Variants in NPIPB13 observed in about 807,000 individuals in gnomAD.
NPIPB13 encodes the protein nuclear pore complex interacting protein family, member B13.
upstream of NPIPB13, among the ~76,000 whole-genome samples, chr16:30,246,518 CG>C (rs2073614223): frequency 1.0e-5 from 1 of 95,806 alleles, no homozygotes; most frequent in African/African-American, 3.8e-5. Flanking sequence ...TTCAGGCTGC[CG>C]GACACAGCTG....
At chr16:30,246,270 C>CT (rs1174624918), upstream of NPIPB13, among the ~76,000 whole-genome samples, 1 of 139,424 alleles carries the variant, frequency 7.2e-6, no homozygotes, top group Admixed American at 7.2e-5. Context: ...ACAGGAGGGG[C>CT]TTGTTAACAT....
At chr16:30,232,465 CAAAAAAA>C (rs141086998) in intron 3 of NPIPB13, among the ~76,000 whole-genome samples, 3 of 115,332 alleles carry the variant, frequency 2.6e-5, no homozygotes, top group African/African-American at 9.0e-5. Flanking sequence ...ACTCTTGTCT[CAAAAAAA>C]AAAAAAAAAA....
intron 3 of NPIPB13, among the ~76,000 whole-genome samples, chr16:30,232,479 A>T (rs75791318): frequency 0.07 from 9,620 of 137,822 alleles, 6 homozygotes; most frequent in African/African-American, 0.18. Context: ...AAAAAAAAAA[A>T]AAAATAGGCC....
intron 2 of NPIPB13, among the ~76,000 whole-genome samples, chr16:30,240,970 GAT>G (rs1456273329): frequency 1.2e-5 from 1 of 83,918 alleles, no homozygotes; most frequent in African/African-American, 4.9e-5. Context: ...CCTTCTGCCC[GAT>G]CACACAGAGT....
At chr16:30,246,358 G>A (rs1328965215), upstream of NPIPB13, among the ~76,000 whole-genome samples, 1 of 151,694 alleles carries the variant, frequency 6.6e-6, no homozygotes, top group East Asian at 1.9e-4. Flanking sequence ...TGACCTTAGA[G>A]TGTAAGTACA....
chr16:30,232,492 A>G (rs1441286944), intron 3 of NPIPB13, among the ~76,000 whole-genome samples: 6 of 143,366 alleles, frequency 4.2e-5, no homozygotes, highest in South Asian at 2.2e-4. Context: ...AATAGGCCAG[A>G]TGCGGTAGCT....
intron 5 of NPIPB13, among the ~76,000 whole-genome samples, chr16:30,228,752 AG>A (rs2073534129): frequency 1.6e-5 from 2 of 129,006 alleles, no homozygotes; most frequent in Non-Finnish European, 3.4e-5. Context: ...GTAAATATAA[AG>A]ACTATTAAAA....
At chr16:30,232,154 T>TAC (rs1194041795) in intron 3 of NPIPB13, among the ~76,000 whole-genome samples, 659 of 50,590 alleles carry the variant, frequency 0.013, 2 homozygotes, top group Middle Eastern at 0.027. Flanking sequence ...CTCTGTCACA[T>TAC]ACACACACAC....
chr16:30,244,225 C>G (rs1308675217), intron 2 of NPIPB13, among the ~76,000 whole-genome samples: 1 of 141,628 alleles, frequency 7.1e-6, no homozygotes, highest in Non-Finnish European at 1.6e-5. Flanking sequence ...CACCTAAAGT[C>G]CCAGCACTTT....
intron 2 of NPIPB13, among the ~76,000 whole-genome samples, chr16:30,237,411 G>T (rs1301846650): frequency 2.7e-4 from 2 of 7,478 alleles, no homozygotes; most frequent in Non-Finnish European, 7.4e-4. Flanking sequence ...CTTGAACCCG[G>T]GAGGCAGAGG....
At position 30,232,193 on chromosome 16, in the gene NPIPB13, G is replaced by A. The variant is rs1315111420; in HGVS notation, c.250-346C>T. On this transcript the variant is annotated intron_variant, in intron 3 of 7. Transcript: ENST00000520915. ...CACAAGAATGACATGAGGCTGGCAC[G>A]GTGGCTCACTCCTGTAATCCCAGCA... 3.8e-4 allele frequency among the ~76,000 whole-genome samples: 26 copies of A among 68,106 alleles called. No homozygotes were observed. The East Asian group carries it at 8.9e-3, about 23-fold the overall frequency. 44.7% of individuals were successfully genotyped at this position (68,106 alleles called of 152,430 possible). A position where few individuals can be genotyped will look rare whatever the true frequency, so the allele number is the denominator to read the frequency against.
chr16:30,244,649 GACTAA>G (rs1437626727), intron 2 of NPIPB13, among the ~76,000 whole-genome samples: 1 of 42,528 alleles, frequency 2.4e-5, no homozygotes, highest in African/African-American at 8.6e-5. Context: ...ACTTTTTGTA[GACTAA>G]ACAGAGCATT....
intron 3 of NPIPB13, among the ~76,000 whole-genome samples, chr16:30,232,544 A>G (rs1478078817): frequency 1.1e-5 from 1 of 95,062 alleles, no homozygotes; most frequent in Non-Finnish European, 2.5e-5. Flanking sequence ...GAGGCAGGTG[A>G]ATCACAAGGT....
chr16:30,228,615 C>CTCACAACCGAAGGGAGAA (rs1477244946), intron 5 of NPIPB13: 72 of 159,440 alleles, frequency 4.5e-4, no homozygotes, highest in Admixed American at 1.1e-3. Context: ...CCAACTGATT[C>CTCACAACCGAAGGGAGAA]TCACAACCGA....
At chr16:30,241,594 G>A (rs1257880502) in intron 2 of NPIPB13, among the ~76,000 whole-genome samples, 2 of 35,906 alleles carry the variant, frequency 5.6e-5, no homozygotes, top group African/African-American at 9.5e-5. Context: ...TTGGGAGGCT[G>A]AGGCAGGCGG....
At chr16:30,232,154 T>TACAC (rs1194041795) in intron 3 of NPIPB13, among the ~76,000 whole-genome samples, 7 of 51,050 alleles carry the variant, frequency 1.4e-4, no homozygotes, top group East Asian at 4.7e-4. Context: ...CTCTGTCACA[T>TACAC]ACACACACAC....
chr16:30,246,399 A>G (rs1250636869), upstream of NPIPB13, among the ~76,000 whole-genome samples: 4 of 151,668 alleles, frequency 2.6e-5, no homozygotes, highest in Non-Finnish European at 4.4e-5. Flanking sequence ...TATCTCCACC[A>G]TAGGTCCAAG....
intron 3 of NPIPB13, among the ~76,000 whole-genome samples, chr16:30,232,788 C>A: frequency 2.2e-5 from 1 of 45,700 alleles, no homozygotes; most frequent in African/African-American, 5.4e-5. Flanking sequence ...AAAAAAATGA[C>A]ATGAATATAC....
chr16:30,232,762 CT>C (rs1567384889), intron 3 of NPIPB13, among the ~76,000 whole-genome samples: 1 of 31,340 alleles, frequency 3.2e-5, no homozygotes, highest in African/African-American at 7.5e-5. Flanking sequence ...GAGAATCCGT[CT>C]CAAAAAAAAA....
Sources: gnomAD v4.1 joint callset for allele counts (sites outside exome capture counted in the v4.1 genomes callset) on GRCh38, gnomAD v4.1.1 for gene constraint, MANE v1.5 for transcripts, NCBI Gene and HGNC (gene_info 2026-07-23, HGNC 2026-07-21) for gene names.